Variants in MACROD1 observed in about 807,000 individuals in gnomAD.
The protein encoded by MACROD1 is mono-ADP ribosylhydrolase 1, also known as ADP-ribose glycohydrolase MACROD1.
MACROD1 carries 31 observed loss-of-function variants against 41.4 expected under a neutral mutation model. The observed-to-expected ratio is 0.75, with a 90% CI of 0.56 to 1.01. The LOEUF (loss-of-function observed/expected upper bound fraction) is 1.01. Ranked by LOEUF, MACROD1 falls within the 50% of genes least tolerant of loss-of-function variation. The pLI is 0.00. For synonymous variants in MACROD1, 252 were observed against 203.4 expected, an observed-to-expected ratio of 1.24 and a Z score of -2.03; for missense variants, 473 against 460.0, an observed-to-expected ratio of 1.03 and a Z score of -0.26.
intron 3 of MACROD1, among the ~76,000 whole-genome samples, chr11:64,060,268 C>G (rs1943874205): frequency 6.6e-6 from 1 of 152,242 alleles, no homozygotes; most frequent in Non-Finnish European, 1.5e-5. Context: ...CCCCAGAGCT[C>G]CGGGAGCGGC....
chr11:64,146,586 G>A lies in MACROD1; in HGVS notation c.517+4653C>T, dbSNP rs1363501925. On this transcript the variant is annotated intron_variant, in intron 3 of 10. Transcript: ENST00000255681. The surrounding 1 kb of genome is among the most constrained non-coding windows in gnomAD (Gnocchi z 4.7). ...GCCTGAGGGTGTGGGGGTTTGTTCC[G>A]TCCCTGCAACTTCAAGCCCTGCCAC... 1.3e-5 allele frequency among the ~76,000 whole-genome samples: 2 copies of A among 152,006 alleles called. No homozygotes were observed. The highest frequency in any genetic ancestry group is 4.8e-5 in the African/African-American group (2 of 41,366).
chr11:64,165,057 T>A (rs1248410244), intron 1 of MACROD1, among the ~76,000 whole-genome samples: 2 of 152,124 alleles, frequency 1.3e-5, no homozygotes, highest in Non-Finnish European at 2.9e-5. Flanking sequence ...AGCAAACTGC[T>A]CACAAGTGGC....
At chr11:64,045,656 T>A (rs1302127077) in intron 3 of MACROD1, among the ~76,000 whole-genome samples, 1 of 152,170 alleles carries the variant, frequency 6.6e-6, no homozygotes, top group Non-Finnish European at 1.5e-5. Context: ...AGACTGCTCC[T>A]GGGGTCTCAA....
intron 4 of MACROD1, among the ~76,000 whole-genome samples, chr11:64,014,712 G>A (rs556884712): frequency 3.9e-5 from 6 of 152,170 alleles, no homozygotes; most frequent in Admixed American, 1.3e-4. Flanking sequence ...TATCCCTTGC[G>A]GCCAGGCCCA....
intron 3 of MACROD1, among the ~76,000 whole-genome samples, chr11:64,048,644 C>T (rs934649664): frequency 1.2e-4 from 19 of 152,288 alleles, no homozygotes; most frequent in African/African-American, 4.3e-4. Flanking sequence ...GCACTTTATG[C>T]GTCATCACCG....
At chr11:64,057,208 C>A (rs546433244) in intron 3 of MACROD1, among the ~76,000 whole-genome samples, 1 of 152,360 alleles carries the variant, frequency 6.6e-6, no homozygotes, top group East Asian at 1.9e-4. Context: ...GAAAGGGCAG[C>A]CTCTGGGACC....
chr11:64,146,831 TCACA>T lies in MACROD1; in HGVS notation c.517+4404_517+4407del, dbSNP rs200452467. Among the ~76,000 whole-genome samples the T allele has an allele frequency of 6.2e-3, 910 of 145,868 alleles. 8 individuals carry two copies. The highest frequency in any genetic ancestry group is 9.5e-3 in the Admixed American group (139 of 14,676). ...ACACACATAGGCCAAACTCCTGACC[TCACA>T]CACACACTCTATCACACACACCCCA... On this transcript the variant is annotated intron_variant, in intron 3 of 10. Transcript: ENST00000255681. This position sits in a 1 kb window ranked among gnomAD's most constrained non-coding sequence, Gnocchi z 4.7.
intron 3 of MACROD1, among the ~76,000 whole-genome samples, chr11:64,020,675 G>C (rs543066090): frequency 6.6e-6 from 1 of 151,832 alleles, no homozygotes; most frequent in Non-Finnish European, 1.5e-5. Flanking sequence ...ATGCTCTCCT[G>C]GGGGGGCCAT....
At chr11:64,034,964 G>A (rs1660988156) in intron 3 of MACROD1, among the ~76,000 whole-genome samples, 1 of 152,158 alleles carries the variant, frequency 6.6e-6, no homozygotes, top group African/African-American at 2.4e-5. Context: ...AGGCTGTCTG[G>A]TCTAAACACT....
At chr11:64,000,754 G>A (rs1323890305) in intron 4 of MACROD1, among the ~76,000 whole-genome samples, 1 of 152,104 alleles carries the variant, frequency 6.6e-6, no homozygotes, top group Non-Finnish European at 1.5e-5. Flanking sequence ...GCGCGCTGCA[G>A]GGCCCGCGAC....
chr11:64,093,021 G>C (rs1944517004), intron 3 of MACROD1, among the ~76,000 whole-genome samples: 1 of 152,186 alleles, frequency 6.6e-6, no homozygotes. Flanking sequence ...GGAGTGGCTG[G>C]TGTGGCCTTG....
intron 3 of MACROD1, among the ~76,000 whole-genome samples, chr11:64,110,531 T>C (rs545641990): frequency 5.6e-4 from 84 of 150,212 alleles, no homozygotes; most frequent in African/African-American, 2.0e-3. Flanking sequence ...GTCCTGGAGG[T>C]TGGCAGGGGA....
chr11:63,999,716 T>C lies in MACROD1; in HGVS notation c.712A>G (p.Ser238Gly). The change falls in exon 6 of 11, where the codon AGT becomes GGT. Residue 238 changes from serine to glycine, a missense_variant. Coordinates refer to ENST00000255681, the MANE Select transcript of MACROD1 (RefSeq NM_014067.4). The stretch of plus-strand genomic sequence containing the variant: ...CAGCTGCGGAGCTCGGCAGCCTGAC[T>C]GGCGCTGGGCTCCCCGTAGGCGATG... ...GPIAYGEPSASQAAELRSCYL... is the reference protein window; with the variant it reads ...GPIAYGEPSAGQAAELRSCYL... The C allele has an allele frequency of 1.9e-6, 3 of 1,608,294 alleles. No individual in the cohort carries two copies. Among genetic ancestry groups the C allele is most frequent in the Non-Finnish European group, 2.5e-6 (3 of 1,179,374 alleles).
chr11:64,000,993 CCAG>C, intron 4 of MACROD1: 1 of 188,688 alleles, frequency 5.3e-6, no homozygotes, highest in South Asian at 1.1e-4. Flanking sequence ...CGCGCAAACC[CCAG>C]CTGGTTAATG....
In MACROD1 at chr11:64,036,057, C is replaced by G. The variant is rs563062749; in HGVS notation, c.518-20776G>C. ...CTCCTCTCCCGGGCCCCCCTGGGCG[C>G]CCTCCGGCTCTGGTTCCCGCCCGCT... On this transcript the variant is annotated intron_variant, in intron 3 of 10. Coordinates refer to ENST00000255681, the MANE Select transcript of MACROD1 (RefSeq NM_014067.4). The surrounding 1 kb of genome is among the most constrained non-coding windows in gnomAD (Gnocchi z 5.6). 0.014 allele frequency: 2,187 copies of G among 151,602 alleles called. 26 individuals are homozygous for G. Among genetic ancestry groups the G allele is most frequent in the Middle Eastern group, 0.045 (13 of 292 alleles). 9.4% of individuals were successfully genotyped at this position (151,602 alleles called of 1,614,324 possible).
At chr11:64,010,108 G>A (rs1187287669) in intron 4 of MACROD1, among the ~76,000 whole-genome samples, 1 of 95,030 alleles carries the variant, frequency 1.1e-5, no homozygotes, top group African/African-American at 4.0e-5. Context: ...TTGGTTGGGG[G>A]GTTGGCTGGG....
intron 3 of MACROD1, among the ~76,000 whole-genome samples, chr11:64,022,867 AT>A (rs922794608): frequency 0.079 from 7,152 of 90,660 alleles, 182 homozygotes; most frequent in South Asian, 0.2. Context: ...TTCCACATGG[AT>A]TTTTTTTTTT....
chr11:64,077,479 C>T (rs1284382176), intron 3 of MACROD1, among the ~76,000 whole-genome samples: 1 of 152,160 alleles, frequency 6.6e-6, no homozygotes, highest in Non-Finnish European at 1.5e-5. Flanking sequence ...GCCTCAGGAC[C>T]CAGGTACTGA....
chr11:64,060,968 C>G (rs901523324), intron 3 of MACROD1, among the ~76,000 whole-genome samples: 2 of 151,866 alleles, frequency 1.3e-5, no homozygotes, highest in East Asian at 1.9e-4. Flanking sequence ...GCTCCCGGGC[C>G]GCCAGGCGAC....
Sources: gnomAD v4.1 joint callset for allele counts (sites outside exome capture counted in the v4.1 genomes callset) on GRCh38, gnomAD v4.1.1 for gene constraint, Gnocchi (gnomAD v3.1) non-coding constraint, MANE v1.5 for transcripts, NCBI Gene and HGNC (gene_info 2026-07-23, HGNC 2026-07-21) for gene names.